ARHGAP31: variants seen among roughly 807,000 people sequenced by gnomAD.
ARHGAP31 encodes the protein Rho GTPase activating protein 31, also known as rho GTPase-activating protein 31.
ARHGAP31 carries 34 observed loss-of-function variants against 113.9 expected under a neutral mutation model. That is an observed-to-expected ratio of 0.30 (90% CI 0.23 to 0.40). The LOEUF is 0.40. Ranked by LOEUF, ARHGAP31 falls within the 10% of genes least tolerant of loss-of-function variation. The probability of loss-of-function intolerance (pLI) is 1.00; values close to 1 mark genes in which losing one functional copy is unlikely to be tolerated. For synonymous variants in ARHGAP31, 650 were observed against 684.8 expected (o/e 0.95, Z 0.79); for missense variants, 1,548 against 1,767.1 (o/e 0.88, Z 2.22).
Position 119,342,183 on chromosome 3 carries a change from G to T in ARHGAP31, c.101-23133G>T, listed in dbSNP as rs574860747. Among the ~76,000 whole-genome samples the T allele has an allele frequency of 4.6e-5, 7 of 152,216 alleles. 1 individual carries two copies. The South Asian group carries it at 1.2e-3, about 27-fold the overall frequency. ...GTTTGTGTAACAGAATGTGTGTTAT[G>T]GTTGTGTGAGCTTTGAAAGAGCAGT... On this transcript the variant is annotated intron_variant, in intron 1 of 11. Transcript: ENST00000264245.
chr3:119,304,396 ACAT>A (rs1157485192), intron 1 of ARHGAP31, among the ~76,000 whole-genome samples: 1 of 152,158 alleles, frequency 6.6e-6, no homozygotes, highest in Non-Finnish European at 1.5e-5. Context: ...TATAAAACAA[ACAT>A]CATCTGACCG....
chr3:119,350,426 AT>A (rs1185358708), intron 1 of ARHGAP31, among the ~76,000 whole-genome samples: 12 of 152,312 alleles, frequency 7.9e-5, no homozygotes, highest in African/African-American at 2.6e-4. Flanking sequence ...TTTTTTATAA[AT>A]GTTCCCCATC....
In ARHGAP31 at chr3:119,414,996, A is replaced by G; in HGVS notation, c.3067A>G (p.Lys1023Glu). 1 of 1,614,188 alleles carries G rather than the reference A, an allele frequency of 6.2e-7. No individual in the cohort carries two copies. The highest frequency in any genetic ancestry group is 1.3e-5 in the African/African-American group (1 of 75,054). ...AGGGGCAGAGGCTCCTCCCAACCAG[A>G]AGGGACCAAGTGGTGTGCAACCCAA... Reference protein sequence around the residue: ...LKGAEAPPNQKGPSGVQPNPA... With the variant: ...LKGAEAPPNQEGPSGVQPNPA... Residue 1023 changes from lysine (K) to glutamate (E), a missense_variant, in exon 12 of 12, where the codon AAG becomes GAG. Coordinates refer to ENST00000264245, the MANE Select transcript of ARHGAP31 (RefSeq NM_020754.4).
chr3:119,317,919 T>C (rs1337601030), intron 1 of ARHGAP31, among the ~76,000 whole-genome samples: 3 of 152,108 alleles, frequency 2.0e-5, no homozygotes, highest in South Asian at 4.1e-4. Context: ...TGAGGACCAG[T>C]TGAAGTAGTG....
chr3:119,413,868 C>T lies in ARHGAP31; in HGVS notation c.1939C>T (p.Leu647=). The T allele has an allele frequency of 6.2e-7, 1 of 1,614,218 alleles. No individual in the cohort carries two copies. Among genetic ancestry groups the T allele is most frequent in the Non-Finnish European group, 8.5e-7 (1 of 1,180,040 alleles). The stretch of plus-strand genomic sequence containing the variant: ...TGATGTTTTTCAGGATGAAGATGAT[C>T]TGGCCAATGCCCTGATCTGGCCTGA... ...VLLHEMDEDD[L]ANALIWPEIQ... is the part of the protein sequence containing the mutation. Residue 647 remains leucine (L), a synonymous_variant, in exon 12 of 12, where the codon CTG becomes TTG. Transcript: ENST00000264245.
intron 5 of ARHGAP31, among the ~76,000 whole-genome samples, chr3:119,382,806 C>T (rs1293003542): frequency 6.6e-6 from 1 of 152,120 alleles, no homozygotes; most frequent in Admixed American, 6.5e-5. Flanking sequence ...AGTGGAAAGG[C>T]ATACTATAAA....
At chr3:119,402,485 G>T in intron 10 of ARHGAP31, 88 bp downstream of exon 10, 3 of 1,420,296 alleles carry the variant, frequency 2.1e-6, no homozygotes, top group Non-Finnish European at 2.9e-6. Flanking sequence ...ATATAGTGCG[G>T]TGGTTAAGCC....
chr3:119,393,184 G>A (rs548349305), intron 7 of ARHGAP31, among the ~76,000 whole-genome samples: 31 of 152,210 alleles, frequency 2.0e-4, no homozygotes, highest in Middle Eastern at 3.4e-3. Context: ...GATTCCTACC[G>A]ATTCTTGCAT....
At chr3:119,297,245 AT>A (rs2079541689) in intron 1 of ARHGAP31, among the ~76,000 whole-genome samples, 1 of 152,212 alleles carries the variant, frequency 6.6e-6, no homozygotes, top group South Asian at 2.1e-4. Flanking sequence ...GTCAGTGCTA[AT>A]GGTTTTCTCT....
At chr3:119,326,255 T>C (rs980060016) in intron 1 of ARHGAP31, among the ~76,000 whole-genome samples, 24 of 152,314 alleles carry the variant, frequency 1.6e-4, no homozygotes, top group African/African-American at 5.8e-4. Flanking sequence ...TAGGCACATT[T>C]GAAGACAAGT....
At chr3:119,353,996 C>T (rs2080134152) in intron 1 of ARHGAP31, among the ~76,000 whole-genome samples, 1 of 152,100 alleles carries the variant, frequency 6.6e-6, no homozygotes, top group Admixed American at 6.5e-5. Context: ...ACCTGAGGGC[C>T]CCGGCAGGGA....
At chr3:119,399,302 T>A in intron 9 of ARHGAP31, 41 bp downstream of exon 9, 1 of 1,549,904 alleles carries the variant, frequency 6.5e-7, no homozygotes, top group Non-Finnish European at 8.9e-7. Context: ...AGATTACAAC[T>A]AGGAGGCTGG....
chr3:119,397,022 A>T (rs1022675019), intron 8 of ARHGAP31, among the ~76,000 whole-genome samples: 5 of 152,220 alleles, frequency 3.3e-5, no homozygotes, highest in Admixed American at 3.3e-4. Context: ...GTCCAGGCTC[A>T]CCTCTGAGTA....
At chr3:119,365,214 T>C (rs1446269879) in intron 1 of ARHGAP31, 102 bp from the exon 2 acceptor site, 2 of 923,914 alleles carry the variant, frequency 2.2e-6, no homozygotes, top group Non-Finnish European at 3.4e-6. Flanking sequence ...AGTTCCATAC[T>C]TACATCTCTT....
At chr3:119,326,568 C>G (rs1026420625) in intron 1 of ARHGAP31, among the ~76,000 whole-genome samples, 25 of 152,222 alleles carry the variant, frequency 1.6e-4, no homozygotes, top group African/African-American at 6.0e-4. Flanking sequence ...CCCTGCTGGT[C>G]CAGTATAACT....
chr3:119,338,188 T>G (rs1249301649), intron 1 of ARHGAP31, among the ~76,000 whole-genome samples: 1 of 152,252 alleles, frequency 6.6e-6, no homozygotes, highest in Non-Finnish European at 1.5e-5. Flanking sequence ...TCAACATGGA[T>G]GTTACTTGGA....
At chr3:119,316,592 T>C (rs1332326775) in intron 1 of ARHGAP31, among the ~76,000 whole-genome samples, 1 of 152,212 alleles carries the variant, frequency 6.6e-6, no homozygotes, top group Non-Finnish European at 1.5e-5. Flanking sequence ...GGGCTGTTGG[T>C]GAAATAGTTG....
intron 1 of ARHGAP31, among the ~76,000 whole-genome samples, chr3:119,315,931 T>C (rs1461852980): frequency 6.6e-6 from 1 of 152,170 alleles, no homozygotes; most frequent in Non-Finnish European, 1.5e-5. Context: ...TTACAAATCG[T>C]CTCATTGTTC....
Position 119,417,465 on chromosome 3 carries a change from G to C in ARHGAP31, c.*1201G>C, listed in dbSNP as rs2107648735. ...TCTACTGCTCAAGAACAGATTTGAG[G>C]CCAGGTGCGGTGCCTCACATCTGTA... On this transcript the variant is annotated 3_prime_UTR_variant, in exon 12 of 12. Coordinates refer to ENST00000264245, the MANE Select transcript of ARHGAP31 (RefSeq NM_020754.4). 6.6e-6 allele frequency: 1 copy of C among 152,178 alleles called. No homozygotes were observed. Among genetic ancestry groups the C allele is most frequent in the Non-Finnish European group, 1.5e-5 (1 of 68,080 alleles). 9.4% of individuals were successfully genotyped at this position (152,178 alleles called of 1,614,324 possible). A position where few individuals can be genotyped will look rare whatever the true frequency, so the allele number is the denominator to read the frequency against.
Sources: allele counts gnomAD v4.1 joint callset (sites outside exome capture counted in the v4.1 genomes callset), GRCh38; gene constraint gnomAD v4.1.1; transcripts MANE v1.5; gene names NCBI Gene and HGNC (gene_info 2026-07-23, HGNC 2026-07-21).